The following TLL2 variants were observed in gnomAD, a reference collection of about 807,000 sequenced individuals.
TLL2 encodes tolloid-like protein 2.
In TLL2, 106 loss-of-function variants were observed where a neutral mutation model predicts 123.0. The ratio of observed to expected loss-of-function variants is 0.86; its 90% CI spans 0.74 to 1.01. TLL2 has a LOEUF of 1.01. Ranked by LOEUF, TLL2 falls within the 50% of genes least tolerant of loss-of-function variation. The probability of loss-of-function intolerance (pLI) is 0.00; values close to 1 mark genes in which losing one functional copy is unlikely to be tolerated. For missense variants in TLL2, 1,332 were observed against 1,336.7 expected (o/e 1.00, Z 0.06); for synonymous variants, 494 against 516.8 (o/e 0.96, Z 0.60).
intron 1 of TLL2, among the ~76,000 whole-genome samples, chr10:96,492,361 C>A (rs186011368): frequency 6.6e-6 from 1 of 152,204 alleles, no homozygotes; most frequent in Non-Finnish European, 1.5e-5. Context: ...CCGTGGCTCA[C>A]GCCTCTAATC....
intron 1 of TLL2, among the ~76,000 whole-genome samples, chr10:96,505,459 T>A (rs1450892428): frequency 6.6e-6 from 1 of 152,210 alleles, no homozygotes; most frequent in Non-Finnish European, 1.5e-5. Context: ...ACAATAATTT[T>A]AAAAATAGTA....
chr10:96,398,973 G>C (rs547529310), intron 10 of TLL2, among the ~76,000 whole-genome samples: 2 of 147,412 alleles, frequency 1.4e-5, no homozygotes, highest in East Asian at 4.0e-4. Context: ...CCAGGTTCAA[G>C]GGATTCTCCT....
At position 96,405,284 on chromosome 10, in the gene TLL2, C is replaced by T; in HGVS notation, c.1215G>A (p.Trp405Ter). The stretch of plus-strand genomic sequence containing the variant: ...CATCCCGGACCTCCACGTAATCATA[C>T]CAGCACAGTCGGCTTTTAAACAAAT... The part of the protein sequence containing the change: ...SMDLFKSRLC[W>*]YDYVEVRDGY... Residue 405 changes from tryptophan (W) to a stop codon, truncating the protein, a stop_gained, in exon 10 of 21, where the codon TGG becomes TGA. Coordinates refer to ENST00000357947, the MANE Select transcript of TLL2 (RefSeq NM_012465.4). LOFTEE classifies it high-confidence loss of function. 6.2e-7 allele frequency: 1 copy of T among 1,614,192 alleles called. No homozygotes were observed. The highest frequency in any genetic ancestry group is 1.3e-5 in the African/African-American group (1 of 75,032).
intron 9 of TLL2, among the ~76,000 whole-genome samples, chr10:96,406,961 C>T (rs1432558239): frequency 6.6e-6 from 1 of 152,076 alleles, no homozygotes; most frequent in Non-Finnish European, 1.5e-5. Flanking sequence ...TCCTGCCTCA[C>T]CCCCTCCTGG....
intron 3 of TLL2, among the ~76,000 whole-genome samples, chr10:96,443,539 T>C (rs1846868580): frequency 6.6e-6 from 1 of 152,204 alleles, no homozygotes; most frequent in Non-Finnish European, 1.5e-5. Flanking sequence ...CCAGATGGCA[T>C]CAGCCAAAGA....
At chr10:96,464,148 G>A (rs886490367) in intron 2 of TLL2, among the ~76,000 whole-genome samples, 12 of 152,118 alleles carry the variant, frequency 7.9e-5, no homozygotes, top group African/African-American at 2.7e-4. Flanking sequence ...AGGACTGCTT[G>A]AGTCAGGAGT....
At chr10:96,499,269 G>A (rs1236310648) in intron 1 of TLL2, among the ~76,000 whole-genome samples, 1 of 152,190 alleles carries the variant, frequency 6.6e-6, no homozygotes, top group East Asian at 1.9e-4. Flanking sequence ...CAGTATCTCA[G>A]TGAACTCCCC....
At chr10:96,436,937 T>G (rs1426143504) in intron 3 of TLL2, among the ~76,000 whole-genome samples, 1 of 152,190 alleles carries the variant, frequency 6.6e-6, no homozygotes, top group Non-Finnish European at 1.5e-5. Context: ...CTGCCCACCT[T>G]GACCTCCCAG....
chr10:96,421,772 G>T (rs1461835595), intron 6 of TLL2, among the ~76,000 whole-genome samples: 3 of 152,092 alleles, frequency 2.0e-5, no homozygotes, highest in Admixed American at 1.3e-4. Context: ...AGGAGGCGGA[G>T]GTTGCAGTGA....
At chr10:96,426,917 T>G (rs74151335) in intron 5 of TLL2, among the ~76,000 whole-genome samples, 7,113 of 152,252 alleles carry the variant, frequency 0.047, 530 homozygotes, top group African/African-American at 0.15. Flanking sequence ...GGTGGTGGGT[T>G]GTAAGTATTT....
chr10:96,499,440 C>G (rs554064010), intron 1 of TLL2, among the ~76,000 whole-genome samples: 1 of 152,268 alleles, frequency 6.6e-6, no homozygotes, highest in South Asian at 2.1e-4. Flanking sequence ...AGTCAACCCC[C>G]TTTTCCTAGT....
At chr10:96,480,789 T>C (rs1467698463) in intron 1 of TLL2, among the ~76,000 whole-genome samples, 2 of 152,270 alleles carry the variant, frequency 1.3e-5, no homozygotes. Flanking sequence ...TTCTTCTTTA[T>C]GGTCCCCAAG....
chr10:96,365,370 C>T lies in TLL2; in HGVS notation c.*2718G>A, dbSNP rs1030297081. 1 of 152,236 alleles carries T rather than the reference C, an allele frequency of 6.6e-6. No homozygotes were observed. Among genetic ancestry groups the T allele is most frequent in the African/African-American group, 2.4e-5 (1 of 41,446 alleles). 9.4% of individuals were successfully genotyped at this position (152,236 alleles called of 1,614,324 possible). ...GAAATTCCACTGGCTAAAGTTAATT[C>T]CAGATTTTTTCCTGCCCTGCAATCC... On this transcript the variant is annotated 3_prime_UTR_variant, in exon 21 of 21. Coordinates refer to ENST00000357947, the MANE Select transcript of TLL2 (RefSeq NM_012465.4).
chr10:96,413,353 A>C lies in TLL2; in HGVS notation c.924-37T>G, dbSNP rs566643645. The C allele has an allele frequency of 1.9e-6, 3 of 1,601,610 alleles. No homozygotes were observed. The South Asian group carries it at 3.3e-5, about 18-fold the overall frequency. The stretch of plus-strand genomic sequence containing the variant: ...AAAAAAGACAGAAAAAGAAAAGTCA[A>C]GGCCATCAGGCTGTCTGTGCTGGGA... On this transcript the variant is annotated intron_variant, in intron 7 of 20. Coordinates refer to ENST00000357947, the MANE Select transcript of TLL2 (RefSeq NM_012465.4).
chr10:96,451,207 TA>T (rs1846956045), intron 2 of TLL2, among the ~76,000 whole-genome samples: 1 of 152,338 alleles, frequency 6.6e-6, no homozygotes, highest in East Asian at 1.9e-4. Flanking sequence ...TAATTCACCA[TA>T]TAATTCACCT....
At chr10:96,375,764 G>A (rs905751525) in intron 18 of TLL2, among the ~76,000 whole-genome samples, 1 of 152,114 alleles carries the variant, frequency 6.6e-6, no homozygotes, top group Non-Finnish European at 1.5e-5. Flanking sequence ...AAGTCCCTGC[G>A]CCATAGTCCA....
intron 2 of TLL2, among the ~76,000 whole-genome samples, chr10:96,468,274 G>C (rs1847148137): frequency 6.6e-6 from 1 of 152,130 alleles, no homozygotes; most frequent in African/African-American, 2.4e-5. Context: ...TCCATTCTCA[G>C]AACTCCCACA....
chr10:96,398,236 G>C (rs1457774489), intron 10 of TLL2, among the ~76,000 whole-genome samples: 1 of 152,146 alleles, frequency 6.6e-6, no homozygotes, highest in African/African-American at 2.4e-5. Context: ...AGCTTCTAGG[G>C]GAATGTAGAC....
At chr10:96,462,178 A>G (rs892496877) in intron 2 of TLL2, among the ~76,000 whole-genome samples, 1 of 152,222 alleles carries the variant, frequency 6.6e-6, no homozygotes, top group African/African-American at 2.4e-5. Context: ...CTGAGGCTCA[A>G]TGAGGTAAAG....
Sources: gnomAD v4.1 joint callset for allele counts (sites outside exome capture counted in the v4.1 genomes callset) on GRCh38, gnomAD v4.1.1 for gene constraint, MANE v1.5 for transcripts, NCBI Gene and HGNC (gene_info 2026-07-23, HGNC 2026-07-21) for gene names.